Variants in GOPC observed in about 807,000 individuals in gnomAD.
The protein encoded by GOPC is golgi associated PDZ and coiled-coil motif containing.
GOPC carries 32 observed loss-of-function variants against 51.2 expected under a neutral mutation model. That is an observed-to-expected ratio of 0.63 (90% CI 0.47 to 0.84). GOPC has a LOEUF of 0.84. Ranked by LOEUF, GOPC falls within the 40% of genes least tolerant of loss-of-function variation. The probability of loss-of-function intolerance (pLI) is 0.00; values close to 1 mark genes in which losing one functional copy is unlikely to be tolerated. For missense variants in GOPC, 441 were observed against 555.5 expected (o/e 0.79, Z 2.07); for synonymous variants, 190 against 205.1 (o/e 0.93, Z 0.63).
At chr6:117,570,789 T>C in intron 6 of GOPC, 71 bp downstream of exon 6, 3 of 600,280 alleles carry the variant, frequency 5.0e-6, no homozygotes, top group Non-Finnish European at 8.6e-6. Context: ...TGTTCCCCAG[T>C]GATGTCCAAC....
At chr6:117,566,288 TCA>T (rs1435208761) in intron 8 of GOPC, among the ~76,000 whole-genome samples, 1 of 152,148 alleles carries the variant, frequency 6.6e-6, no homozygotes, top group Non-Finnish European at 1.5e-5. Context: ...CTAAAATATC[TCA>T]GAGACCCTCA....
intron 3 of GOPC, among the ~76,000 whole-genome samples, chr6:117,576,049 A>G (rs944428859): frequency 1.3e-5 from 2 of 152,146 alleles, no homozygotes; most frequent in Admixed American, 6.5e-5. Flanking sequence ...TTCATGGAAT[A>G]TATTTTGGTA....
rs754327059 is a variant in GOPC, at chr6:117,575,285, A to C, written c.542T>G (p.Leu181Trp). 2 of 1,613,410 alleles carry C rather than the reference A, an allele frequency of 1.2e-6. No homozygotes were observed. The highest frequency in any genetic ancestry group is 1.7e-6 in the Non-Finnish European group (2 of 1,179,758). The part of the protein sequence containing the change: ...KEAQLEAEVK[L>W]LRKENEALRR... ...AAGGGCTTCATTCTCTTTTCTCAAC[A>C]ATTTCACTTCAGCTTCAAGTTGTGC... The change falls in exon 4 of 9, where the codon TTG (leucine) becomes TGG (tryptophan). Residue 181 changes from leucine to tryptophan, a missense_variant. This residue lies in a region of GOPC where 204 missense variants were observed against 219.8 expected (regional missense o/e 0.93). Coordinates refer to ENST00000368498, the MANE Select transcript of GOPC (RefSeq NM_020399.4).
rs770270672 is a variant in GOPC, at chr6:117,560,410, A to T, written c.*2844T>A. On this transcript the variant is annotated 3_prime_UTR_variant, in exon 9 of 9. Coordinates refer to ENST00000368498, the MANE Select transcript of GOPC (RefSeq NM_020399.4). Reference sequence around the variant, plus strand: ...TAATACATTATCATAAATGCAATAGATTTGAGGCCAACCATAAGTGTAAGA... The same window carrying T: ...TAATACATTATCATAAATGCAATAGTTTTGAGGCCAACCATAAGTGTAAGA... 4.3e-5 allele frequency: 8 copies of T among 187,834 alleles called. No homozygotes were observed. The highest frequency in any genetic ancestry group is 7.9e-5 in the Non-Finnish European group (7 of 88,860). 11.6% of individuals were successfully genotyped at this position (187,834 alleles called of 1,614,324 possible). A position where few individuals can be genotyped will look rare whatever the true frequency, so the allele number is the denominator to read the frequency against.
chr6:117,574,554 A>G (rs968886835), intron 4 of GOPC, among the ~76,000 whole-genome samples: 7 of 152,204 alleles, frequency 4.6e-5, no homozygotes, highest in East Asian at 3.8e-4. Context: ...ATGCATGTGA[A>G]TATCGGCTGT....
At chr6:117,570,426 G>A (rs772622520) in intron 6 of GOPC, among the ~76,000 whole-genome samples, 6 of 151,604 alleles carry the variant, frequency 4.0e-5, no homozygotes, top group Admixed American at 2.0e-4. Context: ...TAAAGGCATC[G>A]AATTTAAAAA....
Position 117,566,933 on chromosome 6 carries a change from CA to C in GOPC, c.1178del (p.Leu393CysfsTer6). On this transcript the variant is annotated frameshift_variant, in exon 8 of 9. Coordinates refer to ENST00000368498, the MANE Select transcript of GOPC (RefSeq NM_020399.4). LOFTEE classifies it high-confidence loss of function. ...YEDESGHRYR[L>X]YLDELEGGGN... The stretch of plus-strand genomic sequence containing the variant: ...CACCTCCTTCTAACTCATCAAGGTA[CA>C]AACGGTAACGATGTCCACTCTCATC... 1 of 1,612,156 alleles carries C rather than the reference CA, an allele frequency of 6.2e-7. No individual in the cohort carries two copies. Among genetic ancestry groups the C allele is most frequent in the Non-Finnish European group, 8.5e-7 (1 of 1,179,142 alleles).
chr6:117,580,725 T>A (rs1779945076), intron 1 of GOPC, among the ~76,000 whole-genome samples: 1 of 152,186 alleles, frequency 6.6e-6, no homozygotes, highest in African/African-American at 2.4e-5. Context: ...TACATAATTT[T>A]GAAGCATTTT....
intron 1 of GOPC, among the ~76,000 whole-genome samples, chr6:117,598,665 A>G (rs546296930): frequency 2.0e-5 from 3 of 152,314 alleles, no homozygotes; most frequent in African/African-American, 7.2e-5. Flanking sequence ...ATGAGAATCT[A>G]GTGCCACCAC....
At chr6:117,578,208 C>A (rs1779910108) in intron 2 of GOPC, among the ~76,000 whole-genome samples, 1 of 152,084 alleles carries the variant, frequency 6.6e-6, no homozygotes, top group African/African-American at 2.4e-5. Flanking sequence ...TTAACAGACT[C>A]CAGTTTTACT....
intron 1 of GOPC, among the ~76,000 whole-genome samples, chr6:117,584,038 C>G (rs193178319): frequency 3.3e-4 from 51 of 152,298 alleles, no homozygotes; most frequent in Admixed American, 3.1e-3. Flanking sequence ...ATTCTCAGTA[C>G]CAGACCTTTA....
chr6:117,589,244 C>T (rs981839953), intron 1 of GOPC, among the ~76,000 whole-genome samples: 1 of 152,192 alleles, frequency 6.6e-6, no homozygotes, highest in Non-Finnish European at 1.5e-5. Flanking sequence ...TCAGATCATG[C>T]AGAGCCTGTC....
At chr6:117,568,069 G>A (rs566615035) in intron 7 of GOPC, among the ~76,000 whole-genome samples, 2 of 151,458 alleles carry the variant, frequency 1.3e-5, no homozygotes, top group Non-Finnish European at 2.9e-5. Flanking sequence ...CATGGTGGCA[G>A]GCATCTGTAG....
At chr6:117,597,695 C>T (rs1405042429) in intron 1 of GOPC, among the ~76,000 whole-genome samples, 3 of 152,138 alleles carry the variant, frequency 2.0e-5, no homozygotes, top group African/African-American at 7.2e-5. Flanking sequence ...AAAGCAGTCA[C>T]ATGGATATCA....
chr6:117,597,563 C>T (rs902901152), intron 1 of GOPC, among the ~76,000 whole-genome samples: 5 of 152,176 alleles, frequency 3.3e-5, no homozygotes, highest in Admixed American at 3.3e-4. Flanking sequence ...CAAAAACTCA[C>T]AAGCATGTGG....
intron 5 of GOPC, among the ~76,000 whole-genome samples, chr6:117,573,142 A>G (rs1779831798): frequency 6.6e-6 from 1 of 152,094 alleles, no homozygotes; most frequent in Admixed American, 6.6e-5. Context: ...ATGACCACAC[A>G]CTCTAAGCTA....
chr6:117,586,156 T>C (rs1266379028), intron 1 of GOPC, among the ~76,000 whole-genome samples: 1 of 152,222 alleles, frequency 6.6e-6, no homozygotes, highest in Non-Finnish European at 1.5e-5. Flanking sequence ...TTATACCATT[T>C]AGTGTCAATA....
At chr6:117,577,276 G>T (rs930023097) in intron 3 of GOPC, among the ~76,000 whole-genome samples, 172 bp downstream of exon 3, 1 of 152,032 alleles carries the variant, frequency 6.6e-6, no homozygotes, top group African/African-American at 2.4e-5. Context: ...AACATGCAGT[G>T]AGAAAAGAGC....
Position 117,589,271 on chromosome 6 carries a change from T to C in GOPC, c.286-10207A>G, listed in dbSNP as rs1035724667. Among the ~76,000 whole-genome samples the C allele has an allele frequency of 3.9e-5, 6 of 152,210 alleles. No individual in the cohort carries two copies. The East Asian group carries it at 1.2e-3, about 29-fold the overall frequency. ...GAGCCTGTCTGCCAAAATTAAGAGC[T>C]TGAATTTTATTCAAAAAGCAATTGA... On this transcript the variant is annotated intron_variant, in intron 1 of 8. Transcript: ENST00000368498.
Sources: allele counts gnomAD v4.1 joint callset (sites outside exome capture counted in the v4.1 genomes callset), GRCh38; gene constraint gnomAD v4.1.1; regional missense constraint gnomAD v4.1.1; transcripts MANE v1.5; gene names NCBI Gene and HGNC (gene_info 2026-07-23, HGNC 2026-07-21).